The following MAP3K20 variants were observed in gnomAD, a reference collection of about 807,000 sequenced individuals.
MAP3K20 encodes HCCS-4.
A neutral mutation model predicts 85.7 loss-of-function variants in MAP3K20; 40 were observed. That is an observed-to-expected ratio of 0.47 (90% confidence interval 0.36 to 0.61). MAP3K20 has a LOEUF of 0.61. Ranked by LOEUF, MAP3K20 falls within the 20% of genes least tolerant of loss-of-function variation. MAP3K20 has a pLI of 0.00. For missense variants in MAP3K20, 817 were observed against 961.7 expected (o/e 0.85, Z 1.99); for synonymous variants, 325 against 327.7 (o/e 0.99, Z 0.09).
chr2:173,076,784 G>A (rs546899446), intron 1 of MAP3K20, among the ~76,000 whole-genome samples: 12 of 152,310 alleles, frequency 7.9e-5, no homozygotes, highest in Non-Finnish European at 8.8e-5. Flanking sequence ...CCCTCAGGCA[G>A]CGGCTTTTTG....
At chr2:173,164,935 TA>T (rs1689771512) in intron 2 of MAP3K20, among the ~76,000 whole-genome samples, 1 of 151,966 alleles carries the variant, frequency 6.6e-6, no homozygotes, top group Non-Finnish European at 1.5e-5. Context: ...ATCAACAAAC[TA>T]AAACTTCTGT....
chr2:173,212,653 G>C (rs980457609), intron 10 of MAP3K20: 2 of 152,030 alleles, frequency 1.3e-5, no homozygotes, highest in Non-Finnish European at 2.9e-5. Flanking sequence ...AATTAGCTGG[G>C]CATTGTGACT....
intron 15 of MAP3K20, among the ~76,000 whole-genome samples, 178 bp downstream of exon 15, chr2:173,238,613 C>A (rs1056778329): frequency 6.6e-6 from 1 of 152,128 alleles, no homozygotes; most frequent in Admixed American, 6.5e-5. Flanking sequence ...ACCCTTGTTC[C>A]CCACAAGTTG....
chr2:173,165,551 A>G (rs1335071878), intron 2 of MAP3K20, among the ~76,000 whole-genome samples: 1 of 152,242 alleles, frequency 6.6e-6, no homozygotes. Flanking sequence ...TATTGAATAC[A>G]TAGACTCTGA....
chr2:173,164,327 A>T (rs369811260), intron 2 of MAP3K20, among the ~76,000 whole-genome samples: 1 of 152,064 alleles, frequency 6.6e-6, no homozygotes, highest in African/African-American at 2.4e-5. Context: ...GCATTTTTCC[A>T]TATGCTTGTT....
chr2:173,239,963 A>G (rs1684743495), intron 16 of MAP3K20, among the ~76,000 whole-genome samples: 1 of 152,246 alleles, frequency 6.6e-6, no homozygotes, highest in Non-Finnish European at 1.5e-5. Flanking sequence ...AGTTTATGTC[A>G]TTTTGAAAGT....
chr2:173,150,766 G>A (rs139523053), intron 2 of MAP3K20, among the ~76,000 whole-genome samples: 5,048 of 152,096 alleles, frequency 0.033, 115 homozygotes, highest in Admixed American at 0.052. Flanking sequence ...GGGTTTCACC[G>A]TGTTGGTCAG....
chr2:173,196,212 A>G (rs921524578), intron 7 of MAP3K20, among the ~76,000 whole-genome samples: 1 of 152,138 alleles, frequency 6.6e-6, no homozygotes. Context: ...TGCCACATCC[A>G]TTAATTTACT....
intron 11 of MAP3K20, chr2:173,227,234 C>A: frequency 1.4e-6 from 1 of 731,550 alleles, no homozygotes; most frequent in Non-Finnish European, 1.7e-6. Flanking sequence ...CACACGCATG[C>A]AAACAAGTGT....
intron 18 of MAP3K20, 96 bp downstream of exon 18, chr2:173,261,233 AC>A: frequency 7.9e-7 from 1 of 1,264,374 alleles, no homozygotes; most frequent in Non-Finnish European, 1.1e-6. Context: ...TGGGAGATAT[AC>A]CCAGAGCATA....
At chr2:173,129,578 A>G (rs1409935431) in intron 2 of MAP3K20, among the ~76,000 whole-genome samples, 1 of 152,248 alleles carries the variant, frequency 6.6e-6, no homozygotes, top group African/African-American at 2.4e-5. Flanking sequence ...AGAGAATTCA[A>G]TAATTGCCAG....
chr2:173,115,236 G>A (rs1688085183), intron 2 of MAP3K20, among the ~76,000 whole-genome samples: 1 of 152,096 alleles, frequency 6.6e-6, no homozygotes, highest in South Asian at 2.1e-4. Context: ...TTCTAAAAGT[G>A]TGTCCAAAAT....
intron 16 of MAP3K20, among the ~76,000 whole-genome samples, chr2:173,248,578 A>G (rs556117391): frequency 3.3e-5 from 5 of 152,366 alleles, no homozygotes; most frequent in African/African-American, 1.2e-4. Context: ...GAGCTAGAGC[A>G]GAACTAGGCG....
chr2:173,211,284 T>C (rs1008423357), intron 10 of MAP3K20: 1 of 152,058 alleles, frequency 6.6e-6, no homozygotes, highest in African/African-American at 2.4e-5. Flanking sequence ...AGGACCAGAA[T>C]ACTTAAGAAG....
Position 173,267,689 on chromosome 2 carries a change from G to T in MAP3K20, c.*939G>T, listed in dbSNP as rs933005318. 1 of 152,096 alleles carries T rather than the reference G, an allele frequency of 6.6e-6. No individual in the cohort carries two copies. Among genetic ancestry groups the T allele is most frequent in the South Asian group, 2.1e-4 (1 of 4,824 alleles). The allele number at this position is 152,096 out of a possible 1,614,324, so 9.4% of individuals were successfully genotyped here. ...GAGGATAAAACAACACTCCATAAAG[G>T]CCTCTTGGGATGTCAGAAATCTAAA... On this transcript the variant is annotated 3_prime_UTR_variant, in exon 20 of 20. Coordinates refer to ENST00000375213, the MANE Select transcript of MAP3K20 (RefSeq NM_016653.3).
intron 2 of MAP3K20, among the ~76,000 whole-genome samples, chr2:173,112,197 T>A (rs1687995428): frequency 6.6e-6 from 1 of 152,188 alleles, no homozygotes; most frequent in African/African-American, 2.4e-5. Context: ...GTTCTTGATT[T>A]GATTCTCTGC....
intron 2 of MAP3K20, among the ~76,000 whole-genome samples, chr2:173,110,710 A>G (rs942201201): frequency 1.3e-5 from 2 of 152,170 alleles, no homozygotes; most frequent in African/African-American, 4.8e-5. Flanking sequence ...ACTTAGAATA[A>G]TAATCTCCTC....
intron 9 of MAP3K20, among the ~76,000 whole-genome samples, chr2:173,209,365 T>C (rs1169973097): frequency 2.0e-5 from 3 of 152,254 alleles, no homozygotes; most frequent in Non-Finnish European, 4.4e-5. Context: ...TACTGTTAAC[T>C]TTTTACTGGC....
rs1690372741 is a variant in MAP3K20, at chr2:173,182,955, G to A, written c.349G>A (p.Gly117Arg). The change falls in exon 4 of 20, where the codon GGA (glycine) becomes AGA (arginine). Residue 117 changes from glycine (G) to arginine (R), a missense_variant and splice_region_variant. This residue lies in a region of MAP3K20 where 200 missense variants were observed against 302.7 expected (regional missense o/e 0.66). Transcript: ENST00000375213. ...GACCTGGGCCACTGATGTAGCCAAA[G>A]GTAATAATATTTGGTATATTCTTAT... ...IMTWATDVAK[G>R]MHYLHMEAPV... 1 of 1,601,798 alleles carries A rather than the reference G, an allele frequency of 6.2e-7. No individual in the cohort carries two copies. The highest frequency in any genetic ancestry group is 8.5e-7 in the Non-Finnish European group (1 of 1,174,310).
Sources: gnomAD v4.1 joint callset for allele counts (sites outside exome capture counted in the v4.1 genomes callset) on GRCh38, gnomAD v4.1.1 for gene constraint, gnomAD v4.1.1 regional missense constraint, MANE v1.5 for transcripts, NCBI Gene and HGNC (gene_info 2026-07-23, HGNC 2026-07-21) for gene names.